ABHD3: variants seen among roughly 807,000 people sequenced by gnomAD.
ABHD3 encodes abhydrolase domain containing 3, phospholipase, also known as phospholipase ABHD3.
Under a neutral mutation model 48.8 loss-of-function variants are expected in ABHD3, and 46 were observed. The observed-to-expected ratio is 0.94, with a 90% CI of 0.74 to 1.20. The LOEUF (loss-of-function observed/expected upper bound fraction) is 1.20, where lower values mean the gene tolerates loss of function less well. ABHD3 is among the 50% of genes most tolerant of loss of function. The probability of loss-of-function intolerance (pLI) is 0.00; values close to 1 mark genes in which losing one functional copy is unlikely to be tolerated. For synonymous variants in ABHD3, 192 were observed against 183.7 expected, an observed-to-expected ratio of 1.04 and a Z score of -0.36; for missense variants, 490 against 497.8, an observed-to-expected ratio of 0.98 and a Z score of 0.15.
intron 8 of ABHD3, among the ~76,000 whole-genome samples, chr18:21,654,237 T>C (rs1228713053): frequency 1.3e-5 from 2 of 152,098 alleles, no homozygotes; most frequent in East Asian, 1.9e-4. Flanking sequence ...ATATATAATG[T>C]GATTGATGCA....
rs1328017924 is a variant in ABHD3 at position 21,690,943 on chromosome 18, C to T, written c.510-6978G>A. On this transcript the variant is annotated intron_variant, in intron 3 of 8. Coordinates refer to ENST00000289119, the MANE Select transcript of ABHD3 (RefSeq NM_138340.5). ...CTGGGAGAAGGAGGTTGCAGTGAGC[C>T]GAGATCATGCCATTGTACTCCAGCC... is the stretch of plus-strand genomic sequence containing the variant. 4.9e-5 allele frequency among the ~76,000 whole-genome samples: 7 copies of T among 143,066 alleles called. No homozygotes were observed. The East Asian group carries it at 1.4e-3, about 29-fold the overall frequency. 93.9% of individuals were successfully genotyped at this position (143,066 alleles called of 152,430 possible).
At chr18:21,653,133 G>A (rs2039266195) in intron 8 of ABHD3, among the ~76,000 whole-genome samples, 1 of 147,668 alleles carries the variant, frequency 6.8e-6, no homozygotes. Context: ...GGAGGCAGAG[G>A]CAGGTGGATC....
chr18:21,655,351 G>A (rs1429058167), intron 8 of ABHD3, among the ~76,000 whole-genome samples: 1 of 149,172 alleles, frequency 6.7e-6, no homozygotes. Context: ...GCAGTGGCAC[G>A]ATCTCAGCTC....
chr18:21,681,623 A>G (rs1020006599), intron 4 of ABHD3, among the ~76,000 whole-genome samples: 4 of 152,194 alleles, frequency 2.6e-5, no homozygotes, highest in Non-Finnish European at 5.9e-5. Flanking sequence ...CCTTGCTTCA[A>G]AATATCAATG....
intron 8 of ABHD3, among the ~76,000 whole-genome samples, chr18:21,652,401 AAGAAAG>A (rs2039244297): frequency 6.6e-6 from 1 of 152,062 alleles, no homozygotes; most frequent in African/African-American, 2.4e-5. Flanking sequence ...TAAAGAACGA[AAGAAAG>A]AGAAAGACAA....
chr18:21,678,448 T>C (rs1428285664), intron 4 of ABHD3, among the ~76,000 whole-genome samples: 1 of 152,076 alleles, frequency 6.6e-6, no homozygotes. Flanking sequence ...ATCCTATAAC[T>C]TTACATAGGA....
rs1411586791 is a variant in ABHD3, at chr18:21,671,888, C to T, written c.556-7658G>A. Among the ~76,000 whole-genome samples, 4 of 152,184 alleles carry T rather than the reference C, an allele frequency of 2.6e-5. No individual in the cohort carries two copies. In the South Asian group the frequency reaches 6.2e-4, roughly 24 times the overall value. ...CTGGGCTCAAGCAATCCTCCTGCCT[C>T]AGCCTCCCAAAGTATTGGGATTACA... is the stretch of plus-strand genomic sequence containing the variant. On this transcript the variant is annotated intron_variant, in intron 4 of 8. Transcript: ENST00000289119.
intron 3 of ABHD3, among the ~76,000 whole-genome samples, chr18:21,698,939 C>CG (rs1555683261): frequency 1.3e-3 from 195 of 147,746 alleles, no homozygotes; most frequent in Non-Finnish European, 2.2e-3. Context: ...GTACTTTACA[C>CG]TTTTTTTTTT....
intron 3 of ABHD3, among the ~76,000 whole-genome samples, chr18:21,692,843 T>C (rs948004577): frequency 1.6e-4 from 24 of 152,260 alleles, no homozygotes; most frequent in Admixed American, 1.3e-3. Flanking sequence ...AAACACCCAG[T>C]TGAACTGGCC....
Position 21,651,769 on chromosome 18 carries a change from G to C in ABHD3, c.1058-6C>G, listed in dbSNP as rs766011357. On this transcript the variant is annotated splice_polypyrimidine_tract_variant and splice_region_variant and intron_variant, in intron 8 of 8. Coordinates refer to ENST00000289119, the MANE Select transcript of ABHD3 (RefSeq NM_138340.5). ...AGCAGTTTCTATTGGAATAGCTTCAGACCAAAAAAAACATGGCAATAAGAG... is the reference window on the plus strand; with the variant it reads ...AGCAGTTTCTATTGGAATAGCTTCACACCAAAAAAAACATGGCAATAAGAG... 4.6e-6 allele frequency: 7 copies of C among 1,506,988 alleles called. No individual in the cohort carries two copies. The Admixed American group carries it at 6.9e-5, about 15-fold the overall frequency. 93.4% of individuals were successfully genotyped at this position (1,506,988 alleles called of 1,614,324 possible). A position where few individuals can be genotyped will look rare whatever the true frequency, so the allele number is the denominator to read the frequency against.
intron 1 of ABHD3, 178 bp from the exon 2 acceptor site, chr18:21,703,925 C>T (rs959644539): frequency 1.6e-6 from 1 of 613,692 alleles, no homozygotes. Context: ...TTCGCCAATG[C>T]CCCGAGGGGA....
chr18:21,675,881 CA>C (rs2039872474), intron 4 of ABHD3, among the ~76,000 whole-genome samples: 1 of 152,260 alleles, frequency 6.6e-6, no homozygotes, highest in Admixed American at 6.5e-5. Context: ...TCACTTCAGC[CA>C]AATTTCAGTT....
chr18:21,702,223 G>T, intron 3 of ABHD3, 93 bp downstream of exon 3: 1 of 1,138,400 alleles, frequency 8.8e-7, no homozygotes, highest in Non-Finnish European at 1.2e-6. Context: ...TTCTATGCAA[G>T]AAGTACTAAG....
intron 4 of ABHD3, among the ~76,000 whole-genome samples, chr18:21,676,680 C>T (rs576359359): frequency 5.3e-5 from 8 of 152,354 alleles, no homozygotes; most frequent in African/African-American, 1.4e-4. Flanking sequence ...CATAAGCCAC[C>T]GCATCCGGCC....
chr18:21,654,236 G>A (rs1190416233), intron 8 of ABHD3, among the ~76,000 whole-genome samples: 3 of 152,178 alleles, frequency 2.0e-5, no homozygotes, highest in East Asian at 3.9e-4. Context: ...TATATATAAT[G>A]TGATTGATGC....
chr18:21,678,858 A>G (rs2039946668), intron 4 of ABHD3, among the ~76,000 whole-genome samples: 1 of 152,168 alleles, frequency 6.6e-6, no homozygotes, highest in Non-Finnish European at 1.5e-5. Context: ...CTCATTTCCT[A>G]ATAAGAAAGG....
At chr18:21,689,549 CA>C (rs36011228) in intron 3 of ABHD3, among the ~76,000 whole-genome samples, 2,023 of 41,746 alleles carry the variant, frequency 0.048, 3 homozygotes, top group Non-Finnish European at 0.065. Flanking sequence ...AATCTGGTCT[CA>C]AAAAAAAAAA....
chr18:21,674,344 C>T (rs1360277544), intron 4 of ABHD3, among the ~76,000 whole-genome samples: 5 of 151,374 alleles, frequency 3.3e-5, no homozygotes, highest in African/African-American at 4.9e-5. Flanking sequence ...TGGGCTCAAG[C>T]GATCCTCCTG....
At chr18:21,692,730 G>A (rs2040280365) in intron 3 of ABHD3, among the ~76,000 whole-genome samples, 1 of 152,052 alleles carries the variant, frequency 6.6e-6, no homozygotes, top group African/African-American at 2.4e-5. Context: ...CTTTAGCTGT[G>A]ATCCTAAAAT....
Sources: gnomAD v4.1 joint callset for allele counts (sites outside exome capture counted in the v4.1 genomes callset) on GRCh38, gnomAD v4.1.1 for gene constraint, MANE v1.5 for transcripts, NCBI Gene and HGNC (gene_info 2026-07-23, HGNC 2026-07-21) for gene names.